BCAR3: variants seen among roughly 807,000 people sequenced by gnomAD.
The protein encoded by BCAR3 is BCAR3 adaptor protein, NSP family member, also known as breast cancer anti-estrogen resistance protein 3.
In BCAR3, 37 loss-of-function variants were observed where a neutral mutation model predicts 80.1. The ratio of observed to expected loss-of-function variants is 0.46; its 90% CI spans 0.36 to 0.61. The LOEUF is 0.61. Ranked by LOEUF, BCAR3 falls within the 20% of genes least tolerant of loss-of-function variation. The pLI, the probability that BCAR3 is intolerant of heterozygous loss-of-function variation, is 0.00. For synonymous variants in BCAR3, 389 were observed against 418.9 expected (o/e 0.93, Z 0.87); for missense variants, 978 against 1,068.2 (o/e 0.92, Z 1.18).
intron 3 of BCAR3, among the ~76,000 whole-genome samples, chr1:93,692,004 A>G (rs1032304716): frequency 6.6e-6 from 1 of 152,242 alleles, no homozygotes; most frequent in Non-Finnish European, 1.5e-5. Context: ...TGCCATGATG[A>G]AAAGTTAAAT....
chr1:93,740,919 A>G (rs957505727), intron 2 of BCAR3, among the ~76,000 whole-genome samples: 2 of 152,232 alleles, frequency 1.3e-5, no homozygotes, highest in East Asian at 3.8e-4. Flanking sequence ...CCTTGTGTTC[A>G]GCCCTTAGAT....
At chr1:93,641,827 C>CA (rs1675985816) in intron 3 of BCAR3, among the ~76,000 whole-genome samples, 1 of 152,016 alleles carries the variant, frequency 6.6e-6, no homozygotes, top group African/African-American at 2.4e-5. Flanking sequence ...TTCCAAAATC[C>CA]AAAAAACTCT....
chr1:93,826,789 TA>T (rs966880947), intron 2 of BCAR3, among the ~76,000 whole-genome samples: 3 of 150,802 alleles, frequency 2.0e-5, no homozygotes, highest in African/African-American at 7.3e-5. Flanking sequence ...GGGAGAGAGG[TA>T]GGGGTGTGTG....
At chr1:93,796,361 C>A (rs896771025) in intron 2 of BCAR3, among the ~76,000 whole-genome samples, 4 of 143,976 alleles carry the variant, frequency 2.8e-5, no homozygotes, top group African/African-American at 5.6e-5. Flanking sequence ...TCTCGTGGTG[C>A]GCCGTTTTTT....
chr1:93,591,775 T>C (rs1025868523), intron 4 of BCAR3, among the ~76,000 whole-genome samples: 1 of 152,158 alleles, frequency 6.6e-6, no homozygotes, highest in East Asian at 1.9e-4. Context: ...CAGGATCCAG[T>C]AGGGAAGTGA....
rs772192196 is a variant in BCAR3 at position 93,584,020 on chromosome 1, A to G, written c.1031T>C (p.Ile344Thr). The G allele has an allele frequency of 9.3e-6, 15 of 1,613,418 alleles. No individual in the cohort carries two copies. The highest frequency in any genetic ancestry group is 5.0e-5 in the Admixed American group (3 of 59,940). ...CCTGAAAATTCCCCGAAACATACCA[A>G]TCGGCAGGTAGCTCTCTGACTGGTG... The part of the protein sequence containing the change: ...KAHQSESYLP[I>T]GCKLPPQSSG... Residue 344 changes from isoleucine to threonine, a missense_variant and splice_region_variant, in exon 6 of 12, where the codon ATT (isoleucine) becomes ACT (threonine). Physicochemically the swap from Ile to Thr is moderately conservative, Grantham distance 89. Transcript: ENST00000260502.
chr1:93,847,895 G>A, upstream of BCAR3: 1 of 246,176 alleles, frequency 4.1e-6, no homozygotes, highest in Non-Finnish European at 7.9e-6. Context: ...GTCCTGAGAA[G>A]AGCGGCGGCG....
intron 3 of BCAR3, among the ~76,000 whole-genome samples, chr1:93,641,169 A>C (rs1429505697): frequency 6.6e-6 from 1 of 152,232 alleles, no homozygotes; most frequent in East Asian, 1.9e-4. Flanking sequence ...ATGGGAAAAA[A>C]GAATATCCAC....
At chr1:93,696,971 T>C (rs1649432313) in intron 3 of BCAR3, among the ~76,000 whole-genome samples, 1 of 152,182 alleles carries the variant, frequency 6.6e-6, no homozygotes, top group African/African-American at 2.4e-5. Flanking sequence ...CAGCCCTGAT[T>C]GATACTCAGT....
intron 3 of BCAR3, among the ~76,000 whole-genome samples, chr1:93,593,547 A>AT (rs923450575): frequency 2.7e-5 from 4 of 147,242 alleles, no homozygotes; most frequent in Admixed American, 6.8e-5. Flanking sequence ...AATTTTTGTA[A>AT]TTTTTTTTTT....
chr1:93,657,651 A>G (rs1395489663), intron 2 of BCAR3, among the ~76,000 whole-genome samples: 1 of 152,092 alleles, frequency 6.6e-6, no homozygotes, highest in Non-Finnish European at 1.5e-5. Flanking sequence ...TCACAGATTA[A>G]AAGAGAAAAA....
chr1:93,617,815 G>A (rs6683296), intron 3 of BCAR3, among the ~76,000 whole-genome samples: 18,959 of 152,204 alleles, frequency 0.12, 1,217 homozygotes, highest in Middle Eastern at 0.17. Flanking sequence ...CCAGCCTGGC[G>A]TCACGGTGAG....
intron 7 of BCAR3, among the ~76,000 whole-genome samples, chr1:93,576,817 A>C (rs1673478273): frequency 6.6e-6 from 1 of 152,180 alleles, no homozygotes; most frequent in African/African-American, 2.4e-5. Context: ...TAGTTATTAC[A>C]ATGTCATGGA....
chr1:93,584,245 C>CA (rs1673850227), intron 5 of BCAR3, 124 bp from the exon 6 acceptor site: 2 of 760,896 alleles, frequency 2.6e-6, no homozygotes, highest in Non-Finnish European at 4.2e-6. Context: ...GAGAGTGCTA[C>CA]AGCATACCCT....
intron 3 of BCAR3, among the ~76,000 whole-genome samples, chr1:93,698,729 C>T (rs1649522384): frequency 6.6e-6 from 1 of 152,208 alleles, no homozygotes; most frequent in Admixed American, 6.5e-5. Flanking sequence ...CATCAACCTT[C>T]GCTGCTAAGT....
intron 2 of BCAR3, among the ~76,000 whole-genome samples, chr1:93,771,695 G>T (rs1288078673): frequency 6.6e-6 from 1 of 152,156 alleles, no homozygotes; most frequent in Non-Finnish European, 1.5e-5. Flanking sequence ...TACTCTGCAG[G>T]ATCTTTAATA....
intron 3 of BCAR3, among the ~76,000 whole-genome samples, chr1:93,690,229 C>A (rs1480351479): frequency 2.0e-5 from 3 of 152,212 alleles, no homozygotes; most frequent in Non-Finnish European, 4.4e-5. Context: ...TTCCTCCCAT[C>A]AAACCGAGAA....
chr1:93,722,127 C>A (rs1650428331), intron 2 of BCAR3, among the ~76,000 whole-genome samples: 1 of 152,078 alleles, frequency 6.6e-6, no homozygotes, highest in Non-Finnish European at 1.5e-5. Context: ...GGGGGAGGGG[C>A]GGCCATGGCC....
chr1:93,593,165 A>C (rs553360212), intron 3 of BCAR3, among the ~76,000 whole-genome samples: 33 of 152,118 alleles, frequency 2.2e-4, no homozygotes, highest in Admixed American at 5.2e-4. Flanking sequence ...CCTGCTTACA[A>C]CATGTGAACT....
Sources: allele counts gnomAD v4.1 joint callset (sites outside exome capture counted in the v4.1 genomes callset), GRCh38; gene constraint gnomAD v4.1.1; transcripts MANE v1.5; gene names NCBI Gene and HGNC (gene_info 2026-07-23, HGNC 2026-07-21).